The following RAB20 variants were observed in gnomAD, a reference collection of about 807,000 sequenced individuals.
RAB20 encodes the protein ras-related protein Rab-20.
In RAB20, 2 loss-of-function variants were observed where a neutral mutation model predicts 3.7. The observed-to-expected ratio is 0.54, with a 90% CI of 0.22 to 1.69. RAB20 has a LOEUF of 1.69. RAB20 is among the 40% of genes most tolerant of loss of function. The pLI, the probability that RAB20 is intolerant of heterozygous loss-of-function variation, is 0.19. For missense variants in RAB20, 276 were observed against 311.9 expected, an observed-to-expected ratio of 0.88 and a Z score of 0.87; for synonymous variants, 126 against 130.8, an observed-to-expected ratio of 0.96 and a Z score of 0.25.
At chr13:110,542,763 C>T (rs564332419) in intron 1 of RAB20, among the ~76,000 whole-genome samples, 3 of 152,298 alleles carry the variant, frequency 2.0e-5, no homozygotes, top group South Asian at 2.1e-4. Context: ...ACTGTGAACA[C>T]GGGAGTGCAG....
chr13:110,525,087 T>C (rs111312932), intron 1 of RAB20, among the ~76,000 whole-genome samples: 1 of 152,196 alleles, frequency 6.6e-6, no homozygotes, highest in Non-Finnish European at 1.5e-5. Flanking sequence ...CCAGCTGGCA[T>C]GCACCCCTGC....
intron 1 of RAB20, among the ~76,000 whole-genome samples, chr13:110,542,775 C>T (rs190552502): frequency 1.3e-5 from 2 of 152,184 alleles, no homozygotes; most frequent in Admixed American, 6.5e-5. Context: ...GGAGTGCAGA[C>T]ATCTCTGAGA....
At chr13:110,534,733 C>A (rs1271304768) in intron 1 of RAB20, among the ~76,000 whole-genome samples, 1 of 152,216 alleles carries the variant, frequency 6.6e-6, no homozygotes, top group African/African-American at 2.4e-5. Context: ...TGGACCTCAT[C>A]ATAAATGCAC....
chr13:110,527,823 C>T (rs1488391843), intron 1 of RAB20, among the ~76,000 whole-genome samples: 1 of 151,812 alleles, frequency 6.6e-6, no homozygotes, highest in Non-Finnish European at 1.5e-5. Context: ...AAAGAACAGG[C>T]TAGGGCAGGA....
chr13:110,545,721 T>C (rs902336015), intron 1 of RAB20, among the ~76,000 whole-genome samples: 1 of 152,112 alleles, frequency 6.6e-6, no homozygotes, highest in Non-Finnish European at 1.5e-5. Flanking sequence ...CTTGGGAAGA[T>C]GATAAAATTC....
chr13:110,527,919 A>G (rs2139573992), intron 1 of RAB20, among the ~76,000 whole-genome samples: 1 of 148,928 alleles, frequency 6.7e-6, no homozygotes, highest in South Asian at 2.1e-4. Context: ...ACACACACAC[A>G]CACACACACA....
rs1389233652 is a variant in RAB20 at position 110,523,243 on chromosome 13, G to A, written c.*422C>T. 4.9e-6 allele frequency: 2 copies of A among 411,214 alleles called. No homozygotes were observed. The highest frequency in any genetic ancestry group is 8.1e-5 in the Admixed American group (2 of 24,652). 25.5% of individuals were successfully genotyped at this position (411,214 alleles called of 1,614,324 possible). A position where few individuals can be genotyped will look rare whatever the true frequency, so the allele number is the denominator to read the frequency against. On this transcript the variant is annotated 3_prime_UTR_variant, in exon 2 of 2. Transcript: ENST00000267328. Reference sequence around the variant, plus strand: ...AAGACAACTCACAGTGAAGAGAAACGCTTGAGAACAAGAAATGTCAGAGTT... The same window carrying A: ...AAGACAACTCACAGTGAAGAGAAACACTTGAGAACAAGAAATGTCAGAGTT...
At chr13:110,530,853 G>A (rs908097845) in intron 1 of RAB20, among the ~76,000 whole-genome samples, 5 of 152,166 alleles carry the variant, frequency 3.3e-5, no homozygotes, top group Non-Finnish European at 5.9e-5. Flanking sequence ...TTTGTTTCTC[G>A]AATTTACAGA....
rs1288277114 is a variant in RAB20, at chr13:110,561,661, A to G, written c.-142T>C. Reference sequence around the variant, plus strand: ...AACGCTCCGGGACCTTCGCCTCCGGACGCCCGGGAGCTCAAGAGAGGAAGC... The same window carrying G: ...AACGCTCCGGGACCTTCGCCTCCGGGCGCCCGGGAGCTCAAGAGAGGAAGC... On this transcript the variant is annotated 5_prime_UTR_variant, in exon 1 of 2. Transcript: ENST00000267328. 4.4e-6 allele frequency: 6 copies of G among 1,359,804 alleles called. No homozygotes were observed. In the South Asian group the frequency reaches 1.0e-4, roughly 23 times the overall value. 84.2% of individuals were successfully genotyped at this position (1,359,804 alleles called of 1,614,324 possible). A position where few individuals can be genotyped will look rare whatever the true frequency, so the allele number is the denominator to read the frequency against.
intron 1 of RAB20, among the ~76,000 whole-genome samples, chr13:110,553,107 C>T (rs1039842234): frequency 6.6e-6 from 1 of 152,252 alleles, no homozygotes; most frequent in African/African-American, 2.4e-5. Context: ...AGCAGAGGGA[C>T]TCTACAAATG....
intron 1 of RAB20, among the ~76,000 whole-genome samples, chr13:110,539,692 C>G (rs887245315): frequency 6.6e-6 from 1 of 151,682 alleles, no homozygotes; most frequent in Admixed American, 6.6e-5. Context: ...CCCAAGTAAC[C>G]GGGATTACAG....
In RAB20 at chr13:110,552,004, G is replaced by A. The variant is rs185095197; in HGVS notation, c.172+9344C>T. ...AGGTGGGAGGACTGCTTGAGCCCAC[G>A]AGGTCAAAGCTGCAGTGAGCCAAGA... On this transcript the variant is annotated intron_variant, in intron 1 of 1. Coordinates refer to ENST00000267328, the MANE Select transcript of RAB20 (RefSeq NM_017817.3). Among the ~76,000 whole-genome samples the A allele has an allele frequency of 2.6e-5, 4 of 151,688 alleles. No individual in the cohort carries two copies. The East Asian group carries it at 5.8e-4, about 22-fold the overall frequency.
chr13:110,525,860 C>G (rs990710238), intron 1 of RAB20, among the ~76,000 whole-genome samples: 1 of 152,374 alleles, frequency 6.6e-6, no homozygotes, highest in Non-Finnish European at 1.5e-5. Context: ...GAGGACCGAG[C>G]AGGCTGTGCA....
rs1192467991 is a variant in RAB20, at chr13:110,539,564, GT to G, written c.173-15368del. 7.2e-3 allele frequency among the ~76,000 whole-genome samples: 652 copies of G among 90,488 alleles called. 6 individuals are homozygous for G. The highest frequency in any genetic ancestry group is 0.017 in the African/African-American group (537 of 31,622). The allele number at this position is 90,488 out of a possible 152,430, so 59.4% of individuals were successfully genotyped here. A position where few individuals can be genotyped will look rare whatever the true frequency, so the allele number is the denominator to read the frequency against. On this transcript the variant is annotated intron_variant, in intron 1 of 1. Transcript: ENST00000267328. ...TTTTGTTTTTGTTTTTGGGTTTTTT[GT>G]TTTTTTTTTTTGAGATGGAGTCTCA...
In RAB20 at chr13:110,550,964, A is replaced by G. The variant is rs182939453; in HGVS notation, c.172+10384T>C. Among the ~76,000 whole-genome samples, 7 of 152,320 alleles carry G rather than the reference A, an allele frequency of 4.6e-5. 1 individual carries two copies. The highest frequency in any genetic ancestry group is 4.1e-4 in the South Asian group (2 of 4,826). On this transcript the variant is annotated intron_variant, in intron 1 of 1. Coordinates refer to ENST00000267328, the MANE Select transcript of RAB20 (RefSeq NM_017817.3). ...TTCCCTACCACGCACACAATGGCCTATTGTATCACAGCACTCAGGACAATG... is the reference window on the plus strand; with the variant it reads ...TTCCCTACCACGCACACAATGGCCTGTTGTATCACAGCACTCAGGACAATG...
intron 1 of RAB20, among the ~76,000 whole-genome samples, chr13:110,549,921 G>A (rs1291098356): frequency 2.6e-5 from 4 of 151,988 alleles, no homozygotes; most frequent in African/African-American, 2.4e-5. Context: ...ACAGAGTCTC[G>A]CCATGTTGGC....
intron 1 of RAB20, among the ~76,000 whole-genome samples, chr13:110,527,762 AGAT>A (rs889550525): frequency 6.6e-6 from 1 of 152,148 alleles, no homozygotes; most frequent in African/African-American, 2.4e-5. Context: ...CCACTACAGA[AGAT>A]GATGATCAAA....
intron 1 of RAB20, among the ~76,000 whole-genome samples, chr13:110,528,424 A>AC (rs1425550005): frequency 4.0e-5 from 6 of 151,056 alleles, no homozygotes; most frequent in African/African-American, 7.4e-5. Flanking sequence ...AAAAAAAAAA[A>AC]AAACAAAAAA....
chr13:110,528,910 C>T (rs1285459346), intron 1 of RAB20, among the ~76,000 whole-genome samples: 1 of 152,190 alleles, frequency 6.6e-6, no homozygotes, highest in African/African-American at 2.4e-5. Context: ...CAATTAAATG[C>T]AGTTGCCCCA....
Sources: gnomAD v4.1 joint callset for allele counts (sites outside exome capture counted in the v4.1 genomes callset) on GRCh38, gnomAD v4.1.1 for gene constraint, MANE v1.5 for transcripts, NCBI Gene and HGNC (gene_info 2026-07-23, HGNC 2026-07-21) for gene names.